The following PTPRD variants were observed in gnomAD, a reference collection of about 807,000 sequenced individuals.
PTPRD encodes the protein receptor-type tyrosine-protein phosphatase delta.
In PTPRD, 34 loss-of-function variants were observed where a neutral mutation model predicts 214.5. The ratio of observed to expected loss-of-function variants is 0.16; its 90% CI spans 0.12 to 0.21. PTPRD has a LOEUF of 0.21. Ranked by LOEUF, PTPRD falls within the 10% of genes least tolerant of loss-of-function variation. The pLI is 1.00. For synonymous variants in PTPRD, 1,128 were observed against 845.7 expected, an observed-to-expected ratio of 1.33 and a Z score of -5.79; for missense variants, 2,545 against 2,398.7, an observed-to-expected ratio of 1.06 and a Z score of -1.27.
intron 12 of PTPRD, among the ~76,000 whole-genome samples, chr9:8,727,030 G>A (rs1309822469): frequency 6.6e-6 from 1 of 151,432 alleles, no homozygotes; most frequent in Non-Finnish European, 1.5e-5. Context: ...CAGAATGAGA[G>A]GAAAATTAAA....
intron 2 of PTPRD, among the ~76,000 whole-genome samples, chr9:10,358,525 G>C (rs1234950466): frequency 6.6e-6 from 1 of 151,752 alleles, no homozygotes; most frequent in Non-Finnish European, 1.5e-5. Context: ...TTATTAAATA[G>C]CTGCAATGTC....
intron 9 of PTPRD, among the ~76,000 whole-genome samples, chr9:9,236,245 C>T (rs544883136): frequency 6.6e-6 from 1 of 152,018 alleles, no homozygotes; most frequent in African/African-American, 2.4e-5. Context: ...AAGAACAAAA[C>T]CCCATCCCAA....
At chr9:10,572,151 T>G (rs2067658043) in intron 2 of PTPRD, among the ~76,000 whole-genome samples, 1 of 152,170 alleles carries the variant, frequency 6.6e-6, no homozygotes, top group Non-Finnish European at 1.5e-5. Flanking sequence ...TATGTATGAC[T>G]AAGAACTCAT....
intron 7 of PTPRD, among the ~76,000 whole-genome samples, chr9:9,646,119 T>G (rs2096154364): frequency 6.6e-6 from 1 of 152,184 alleles, no homozygotes; most frequent in Non-Finnish European, 1.5e-5. Context: ...TCTAAGACAG[T>G]CCATTTGTGA....
rs1193431155 is a variant in PTPRD, at chr9:8,548,341, G to A, written c.353-19562C>T. Among the ~76,000 whole-genome samples, 30 of 151,988 alleles carry A rather than the reference G, an allele frequency of 2.0e-4. 1 individual carries two copies. Among genetic ancestry groups the A allele is most frequent in the Admixed American group, 2.0e-3 (30 of 15,260 alleles). On this transcript the variant is annotated intron_variant, in intron 14 of 45. Coordinates refer to ENST00000381196, the MANE Select transcript of PTPRD (RefSeq NM_002839.4). ...AAGCTGGAAGGAATCTGGGGTTCAT[G>A]TGTTAGGTTGTATATGCATGCAGCT...
At chr9:8,693,144 G>C (rs1297848536) in intron 12 of PTPRD, among the ~76,000 whole-genome samples, 3 of 152,170 alleles carry the variant, frequency 2.0e-5, no homozygotes, top group African/African-American at 7.2e-5. Flanking sequence ...TGCACCTGAA[G>C]GTTGAAGGTA....
At chr9:9,129,939 T>C (rs1419268964) in intron 10 of PTPRD, among the ~76,000 whole-genome samples, 1 of 152,188 alleles carries the variant, frequency 6.6e-6, no homozygotes, top group Admixed American at 6.5e-5. Context: ...CTGCTTGAGA[T>C]TATTTGTAAA....
chr9:8,861,946 A>T (rs566451255), intron 11 of PTPRD: 1 of 152,232 alleles, frequency 6.6e-6, no homozygotes, highest in Non-Finnish European at 1.5e-5. Flanking sequence ...CAGTCCTCAA[A>T]TAACAATATT....
In PTPRD at chr9:9,136,707, A is replaced by G. The variant is rs554750999; in HGVS notation, c.-143+46597T>C. Among the ~76,000 whole-genome samples, 11 of 152,306 alleles carry G rather than the reference A, an allele frequency of 7.2e-5. No individual in the cohort carries two copies. The East Asian group carries it at 2.1e-3, about 29-fold the overall frequency. On this transcript the variant is annotated intron_variant, in intron 10 of 45. Transcript: ENST00000381196. ...TCAAAGAGGGCAGCAGTTTATCTGTATGTATTTGCCCCTGTAGATAAATTT... is the reference window on the plus strand; with the variant it reads ...TCAAAGAGGGCAGCAGTTTATCTGTGTGTATTTGCCCCTGTAGATAAATTT...
intron 3 of PTPRD, among the ~76,000 whole-genome samples, chr9:10,206,675 G>A (rs961258751): frequency 6.6e-6 from 1 of 152,038 alleles, no homozygotes; most frequent in Non-Finnish European, 1.5e-5. Flanking sequence ...TAATAACCTC[G>A]GTTTTAAATA....
chr9:8,578,079 C>T (rs932190564), intron 14 of PTPRD, among the ~76,000 whole-genome samples: 8 of 152,096 alleles, frequency 5.3e-5, no homozygotes, highest in African/African-American at 1.4e-4. Flanking sequence ...AATTTCATTG[C>T]GCTTTATACA....
intron 5 of PTPRD, among the ~76,000 whole-genome samples, chr9:9,852,944 G>A (rs529002126): frequency 1.3e-5 from 2 of 152,090 alleles, no homozygotes; most frequent in Non-Finnish European, 2.9e-5. Context: ...GATATCTAAT[G>A]GTGTTCCACA....
chr9:9,851,687 G>A (rs2060577082), intron 5 of PTPRD, among the ~76,000 whole-genome samples: 1 of 152,184 alleles, frequency 6.6e-6, no homozygotes, highest in Non-Finnish European at 1.5e-5. Context: ...AGCTGAGGCA[G>A]AAGGATCACT....
chr9:9,006,969 T>C lies in PTPRD; in HGVS notation c.-104+11728A>G, dbSNP rs923768424. On this transcript the variant is annotated intron_variant, in intron 11 of 45. Transcript: ENST00000381196. ...TCCTCTGTCCCAACCTATAGCAAGA[T>C]AGGGTAGAGAAAATGGACTATTTGT... is the stretch of plus-strand genomic sequence containing the variant. Among the ~76,000 whole-genome samples, 30 of 151,950 alleles carry C rather than the reference T, an allele frequency of 2.0e-4. 1 individual carries two copies. Among genetic ancestry groups the C allele is most frequent in the African/African-American group, 7.0e-4 (29 of 41,398 alleles).
intron 9 of PTPRD, among the ~76,000 whole-genome samples, chr9:9,339,320 T>TTAA (rs2045850256): frequency 7.1e-6 from 1 of 139,976 alleles, no homozygotes; most frequent in Non-Finnish European, 1.6e-5. Flanking sequence ...TACTAAAAAT[T>TTAA]AAAAAAAAAA....
chr9:9,115,916 G>T (rs1487191390), intron 10 of PTPRD, among the ~76,000 whole-genome samples: 1 of 152,162 alleles, frequency 6.6e-6, no homozygotes, highest in Non-Finnish European at 1.5e-5. Flanking sequence ...TATATCCTTT[G>T]CAGCAACATG....
intron 5 of PTPRD, among the ~76,000 whole-genome samples, chr9:9,823,161 G>C (rs2051389308): frequency 6.6e-6 from 1 of 151,976 alleles, no homozygotes; most frequent in Admixed American, 6.6e-5. Context: ...ACCTGAGACT[G>C]GGTAATTTAT....
intron 3 of PTPRD, among the ~76,000 whole-genome samples, chr9:10,040,669 A>C (rs1207614925): frequency 6.6e-6 from 1 of 152,076 alleles, no homozygotes; most frequent in Non-Finnish European, 1.5e-5. Flanking sequence ...TCATGGGCTA[A>C]AATGGCTTAA....
intron 11 of PTPRD, among the ~76,000 whole-genome samples, chr9:8,772,980 T>C (rs905975369): frequency 6.6e-6 from 1 of 152,182 alleles, no homozygotes; most frequent in Admixed American, 6.5e-5. Context: ...CTAAAGTCAA[T>C]TTTTCCCCAC....
Sources: allele counts gnomAD v4.1 joint callset (sites outside exome capture counted in the v4.1 genomes callset), GRCh38; gene constraint gnomAD v4.1.1; transcripts MANE v1.5; gene names NCBI Gene and HGNC (gene_info 2026-07-23, HGNC 2026-07-21).